TPD52: variants seen among roughly 807,000 people sequenced by gnomAD.
TPD52 encodes the protein prostate and colon associated protein.
In TPD52, 17 loss-of-function variants were observed where a neutral mutation model predicts 31.3. The observed-to-expected ratio is 0.54, with a 90% confidence interval of 0.37 to 0.82. The LOEUF is 0.82. TPD52 is among the 40% of genes least tolerant of loss of function. TPD52 has a pLI of 0.00. For synonymous variants in TPD52, 83 were observed against 89.6 expected, an observed-to-expected ratio of 0.93 and a Z score of 0.42; for missense variants, 212 against 240.1, an observed-to-expected ratio of 0.88 and a Z score of 0.77.
At chr8:80,159,324 C>T (rs1183567275) in intron 1 of TPD52, among the ~76,000 whole-genome samples, 1 of 152,164 alleles carries the variant, frequency 6.6e-6, no homozygotes, top group Non-Finnish European at 1.5e-5. Context: ...ACAATCAATT[C>T]TGATGCATAA....
At chr8:80,082,766 T>A (rs966701876) in intron 1 of TPD52, among the ~76,000 whole-genome samples, 1 of 152,224 alleles carries the variant, frequency 6.6e-6, no homozygotes, top group African/African-American at 2.4e-5. Context: ...CAGGGCGCTC[T>A]ACCGGATACC....
chr8:80,152,619 A>G (rs948807000), intron 1 of TPD52, among the ~76,000 whole-genome samples: 4 of 151,920 alleles, frequency 2.6e-5, no homozygotes, highest in Non-Finnish European at 5.9e-5. Context: ...CATCTCTACT[A>G]AAAATACAAA....
chr8:80,067,498 A>T (rs1430332658), intron 1 of TPD52: 1 of 152,184 alleles, frequency 6.6e-6, no homozygotes, highest in Non-Finnish European at 1.5e-5. Context: ...CCATTTACAG[A>T]CAAGTCCAAA....
chr8:80,156,285 A>G (rs1810968868), intron 1 of TPD52, among the ~76,000 whole-genome samples: 1 of 152,244 alleles, frequency 6.6e-6, no homozygotes, highest in Admixed American at 6.5e-5. Context: ...GGCTTCTTAC[A>G]TGTTCGCTCA....
At chr8:80,118,577 C>G (rs1418889805) in intron 1 of TPD52, among the ~76,000 whole-genome samples, 2 of 152,150 alleles carry the variant, frequency 1.3e-5, no homozygotes, top group Admixed American at 1.3e-4. Context: ...TCTTGCCATT[C>G]AATAATGAAA....
At chr8:80,052,285 TAGAGA>T (rs1271684280) in intron 3 of TPD52, among the ~76,000 whole-genome samples, 9 of 152,086 alleles carry the variant, frequency 5.9e-5, no homozygotes, top group East Asian at 1.9e-4. Flanking sequence ...ACCTGGAGAT[TAGAGA>T]AGAGAAAAGC....
At chr8:80,100,140 C>T (rs1033614925) in intron 1 of TPD52, among the ~76,000 whole-genome samples, 17 of 152,150 alleles carry the variant, frequency 1.1e-4, no homozygotes, top group Admixed American at 2.6e-4. Flanking sequence ...GAAAGATAAT[C>T]CTCTGGGGAA....
At chr8:80,089,792 T>C (rs1816113171) in intron 1 of TPD52, among the ~76,000 whole-genome samples, 1 of 152,232 alleles carries the variant, frequency 6.6e-6, no homozygotes, top group African/African-American at 2.4e-5. Flanking sequence ...CTGAGACACA[T>C]CAAAGTTAAG....
At chr8:80,164,270 A>G (rs1340780386) in intron 1 of TPD52, among the ~76,000 whole-genome samples, 1 of 152,262 alleles carries the variant, frequency 6.6e-6, no homozygotes, top group African/African-American at 2.4e-5. Flanking sequence ...TGAAGCTACA[A>G]TAACTTAAAC....
rs115345794 is a variant in TPD52, at chr8:80,088,166, G to A, written c.20-23573C>T. Among the ~76,000 whole-genome samples the A allele has an allele frequency of 5.8e-3, 889 of 152,182 alleles. 5 individuals carry two copies. Among genetic ancestry groups the A allele is most frequent in the African/African-American group, 0.018 (761 of 41,524 alleles). On this transcript the variant is annotated intron_variant, in intron 1 of 7. Coordinates refer to ENST00000518937, the MANE Select transcript of TPD52 (RefSeq NM_001025253.3). ...CATCCTGTGGCTGTAGCCTAGAGCC[G>A]GGCAGTAAGGATAAGCCAGTCCCTC...
At chr8:80,083,732 G>A (rs951891677) in intron 1 of TPD52, among the ~76,000 whole-genome samples, 1 of 152,118 alleles carries the variant, frequency 6.6e-6, no homozygotes, top group African/African-American at 2.4e-5. Context: ...TGTGAGAATG[G>A]ACTAGTACAC....
chr8:80,111,598 T>C (rs1807500268), intron 1 of TPD52, among the ~76,000 whole-genome samples: 1 of 152,252 alleles, frequency 6.6e-6, no homozygotes, highest in African/African-American at 2.4e-5. Context: ...ATCTTGATCA[T>C]ATAGAATGAT....
At chr8:80,147,457 G>A (rs896622364) in intron 1 of TPD52, among the ~76,000 whole-genome samples, 5 of 152,192 alleles carry the variant, frequency 3.3e-5, no homozygotes, top group African/African-American at 1.2e-4. Context: ...TGGTGACTCC[G>A]GTGGAGAGAG....
chr8:80,157,285 G>A (rs1229097727), intron 1 of TPD52, among the ~76,000 whole-genome samples: 15 of 151,254 alleles, frequency 9.9e-5, no homozygotes. Flanking sequence ...AAAAAAAAAG[G>A]AAATAAGTTT....
chr8:80,152,054 A>C (rs4739720), intron 1 of TPD52, among the ~76,000 whole-genome samples: 79,065 of 152,050 alleles, frequency 0.52, 21,259 homozygotes, highest in East Asian at 0.78. Context: ...TCACTTCAAA[A>C]ATAGAATACT....
At chr8:80,155,963 G>A (rs1331881215) in intron 1 of TPD52, among the ~76,000 whole-genome samples, 1 of 152,014 alleles carries the variant, frequency 6.6e-6, no homozygotes, top group African/African-American at 2.4e-5. Flanking sequence ...CATTTGTTTG[G>A]GGGGTACATC....
chr8:80,117,531 G>A (rs1180606842), intron 1 of TPD52, among the ~76,000 whole-genome samples: 2 of 152,088 alleles, frequency 1.3e-5, no homozygotes, highest in African/African-American at 2.4e-5. Flanking sequence ...TGGGTCTGAA[G>A]ACTTAATATT....
At chr8:80,150,267 C>A (rs1240816062) in intron 1 of TPD52, among the ~76,000 whole-genome samples, 1 of 152,230 alleles carries the variant, frequency 6.6e-6, no homozygotes. Flanking sequence ...GATTTGGGAA[C>A]CTCCGCCTAG....
chr8:80,132,796 C>T (rs1426856630), intron 1 of TPD52, among the ~76,000 whole-genome samples: 1 of 152,090 alleles, frequency 6.6e-6, no homozygotes, highest in African/African-American at 2.4e-5. Flanking sequence ...TCTGTGCCAC[C>T]CACTATTGAT....
Sources: gnomAD v4.1 joint callset for allele counts (sites outside exome capture counted in the v4.1 genomes callset) on GRCh38, gnomAD v4.1.1 for gene constraint, MANE v1.5 for transcripts, NCBI Gene and HGNC (gene_info 2026-07-23, HGNC 2026-07-21) for gene names.